Variants in LMNB1 observed in about 807,000 individuals in gnomAD.
The protein encoded by LMNB1 is lamin B1, also known as lamin-B1.
A neutral mutation model predicts 67.1 loss-of-function variants in LMNB1; 23 were observed. The observed-to-expected ratio is 0.34, with a 90% CI of 0.25 to 0.49. The LOEUF is 0.49. Among genes scored for constraint, LMNB1 ranks in the 20% least tolerant of loss-of-function variants. The pLI is 0.99. For synonymous variants in LMNB1, 281 were observed against 282.9 expected (o/e 0.99, Z 0.07); for missense variants, 634 against 746.5 (o/e 0.85, Z 1.76).
chr5:126,817,320 A>C (rs1751735602), intron 5 of LMNB1, among the ~76,000 whole-genome samples: 1 of 152,158 alleles, frequency 6.6e-6, no homozygotes, highest in African/African-American at 2.4e-5. Context: ...AGAATTATCC[A>C]GTCTCCAAGG....
chr5:126,818,748 G>A (rs929979891), intron 5 of LMNB1, among the ~76,000 whole-genome samples, 174 bp from the exon 6 acceptor site: 6 of 152,144 alleles, frequency 3.9e-5, no homozygotes, highest in Non-Finnish European at 8.8e-5. Context: ...TGAGGTCTGT[G>A]TTTTGTATTT....
In LMNB1 at chr5:126,796,263, G is replaced by T. The variant is rs182594494; in HGVS notation, c.360-8513G>T. On this transcript the variant is annotated intron_variant, in intron 1 of 10. Transcript: ENST00000261366. ...TTTTTTAATCTCCTTTTTTTGCCTTGCCCTGTCTTCTTATGGTGCTGACTG... is the reference window on the plus strand; with the variant it reads ...TTTTTTAATCTCCTTTTTTTGCCTTTCCCTGTCTTCTTATGGTGCTGACTG... Among the ~76,000 whole-genome samples the T allele has an allele frequency of 2.3e-3, 352 of 151,714 alleles. 2 individuals carry two copies. The highest frequency in any genetic ancestry group is 4.2e-3 in the Non-Finnish European group (286 of 67,908).
At chr5:126,812,800 G>T (rs1216801101) in intron 5 of LMNB1, among the ~76,000 whole-genome samples, 1 of 144,518 alleles carries the variant, frequency 6.9e-6, no homozygotes, top group African/African-American at 2.6e-5. Context: ...GTACGATCTC[G>T]GCTCACTGTG....
intron 5 of LMNB1, among the ~76,000 whole-genome samples, chr5:126,817,638 C>T (rs763073929): frequency 1.3e-5 from 2 of 152,136 alleles, no homozygotes; most frequent in African/African-American, 2.4e-5. Flanking sequence ...TGGTTTTTAT[C>T]ATCCATTTAC....
chr5:126,778,521 G>C (rs1271490068), intron 1 of LMNB1, among the ~76,000 whole-genome samples: 3 of 152,204 alleles, frequency 2.0e-5, no homozygotes. Flanking sequence ...TGATCCGTGC[G>C]CCTCCAGCCA....
At chr5:126,780,200 A>T (rs1750591843) in intron 1 of LMNB1, among the ~76,000 whole-genome samples, 2 of 152,260 alleles carry the variant, frequency 1.3e-5, no homozygotes, top group South Asian at 4.1e-4. Flanking sequence ...AAAAAAAAAA[A>T]TTAACACAGA....
At chr5:126,821,916 A>G (rs982106433) in intron 7 of LMNB1, among the ~76,000 whole-genome samples, 2 of 152,168 alleles carry the variant, frequency 1.3e-5, no homozygotes, top group Admixed American at 6.5e-5. Flanking sequence ...ACTATCTTGC[A>G]TGTGGATGAA....
intron 7 of LMNB1, among the ~76,000 whole-genome samples, 178 bp downstream of exon 7, chr5:126,821,313 G>T (rs553642514): frequency 6.6e-6 from 1 of 152,200 alleles, no homozygotes; most frequent in African/African-American, 2.4e-5. Context: ...AGGAGGAAGA[G>T]TTAGGTACCC....
intron 5 of LMNB1, among the ~76,000 whole-genome samples, chr5:126,812,375 C>A (rs960356090): frequency 1.3e-5 from 2 of 152,192 alleles, no homozygotes; most frequent in South Asian, 2.1e-4. Flanking sequence ...AGGAAAGTAG[C>A]TTTAATTTGC....
chr5:126,787,546 A>ATTTTTTTTTTTTTT (rs142332901), intron 1 of LMNB1, among the ~76,000 whole-genome samples: 3 of 65,564 alleles, frequency 4.6e-5, no homozygotes, highest in Admixed American at 2.2e-4. Context: ...ATATATATAT[A>ATTTTTTTTTTTTTT]TTTTTTTTTT....
intron 1 of LMNB1, among the ~76,000 whole-genome samples, chr5:126,800,980 T>TATATATATATATATATAA (rs1247072641): frequency 1.4e-5 from 1 of 69,086 alleles, no homozygotes; most frequent in African/African-American, 5.2e-5. Context: ...TATATATATA[T>TATATATATATATATATAA]AATTTTTTTT....
chr5:126,801,976 G>A (rs1291395367), intron 1 of LMNB1, among the ~76,000 whole-genome samples: 2 of 152,206 alleles, frequency 1.3e-5, no homozygotes, highest in South Asian at 2.1e-4. Flanking sequence ...TAGTTTTATA[G>A]TGGGGCAAAA....
At chr5:126,827,159 A>G (rs1202315587) in intron 9 of LMNB1, among the ~76,000 whole-genome samples, 4 of 152,220 alleles carry the variant, frequency 2.6e-5, no homozygotes, top group Non-Finnish European at 4.4e-5. Context: ...CAAACCTGGT[A>G]GGGAAGCTAA....
chr5:126,795,446 C>A (rs909693591), intron 1 of LMNB1, among the ~76,000 whole-genome samples: 34 of 151,722 alleles, frequency 2.2e-4, no homozygotes, highest in Non-Finnish European at 4.0e-4. Flanking sequence ...CCTCCTAATT[C>A]ATTTTCAAGT....
intron 9 of LMNB1, among the ~76,000 whole-genome samples, chr5:126,830,975 A>G (rs12522425): frequency 0.046 from 7,071 of 152,286 alleles, 192 homozygotes; most frequent in Middle Eastern, 0.065. Context: ...AGATAGACCA[A>G]TTTCACAGAA....
intron 4 of LMNB1, 108 bp downstream of exon 4, chr5:126,810,458 C>A: frequency 2.5e-6 from 2 of 810,276 alleles, no homozygotes; most frequent in South Asian, 3.1e-5. Flanking sequence ...AAAAATGATT[C>A]CCCTAGTCTC....
intron 1 of LMNB1, among the ~76,000 whole-genome samples, chr5:126,787,391 T>A (rs919543918): frequency 7.4e-6 from 1 of 134,950 alleles, no homozygotes; most frequent in African/African-American, 2.6e-5. Context: ...ATAATTTATA[T>A]AACTGGAGCC....
At chr5:126,830,292 G>A (rs1752102950) in intron 9 of LMNB1, among the ~76,000 whole-genome samples, 1 of 152,134 alleles carries the variant, frequency 6.6e-6, no homozygotes, top group African/African-American at 2.4e-5. Context: ...CAGCAGGGGC[G>A]GACCAATGCT....
intron 10 of LMNB1, among the ~76,000 whole-genome samples, chr5:126,835,426 G>A (rs1752228258): frequency 6.6e-6 from 1 of 152,216 alleles, no homozygotes; most frequent in Non-Finnish European, 1.5e-5. Context: ...AATGGGTAGA[G>A]GAGCCATGTT....
Sources: gnomAD v4.1 joint callset for allele counts (sites outside exome capture counted in the v4.1 genomes callset) on GRCh38, gnomAD v4.1.1 for gene constraint, MANE v1.5 for transcripts, NCBI Gene and HGNC (gene_info 2026-07-23, HGNC 2026-07-21) for gene names.